LRP6: variants seen among roughly 807,000 people sequenced by gnomAD.
LRP6 encodes the protein LDL receptor related protein 6.
Under a neutral mutation model 184.1 loss-of-function variants are expected in LRP6, and 43 were observed. The observed-to-expected ratio is 0.23, with a 90% CI of 0.18 to 0.30. The LOEUF (loss-of-function observed/expected upper bound fraction) is 0.30. Among genes scored for constraint, LRP6 ranks in the 10% least tolerant of loss-of-function variants. LRP6 has a pLI of 1.00. For synonymous variants in LRP6, 719 were observed against 684.9 expected, an observed-to-expected ratio of 1.05 and a Z score of -0.78; for missense variants, 1,571 against 2,005.3, an observed-to-expected ratio of 0.78 and a Z score of 4.14.
intron 17 of LRP6, among the ~76,000 whole-genome samples, chr12:12,134,306 TTAA>T (rs1381482653): frequency 6.6e-6 from 1 of 151,198 alleles, no homozygotes; most frequent in Non-Finnish European, 1.5e-5. Flanking sequence ...GTTATTTTAC[TTAA>T]TAATTTTCAC....
intron 16 of LRP6, 84 bp downstream of exon 16, chr12:12,138,238 AAAC>A: frequency 7.8e-7 from 1 of 1,280,364 alleles, no homozygotes; most frequent in African/African-American, 1.5e-5. Flanking sequence ...GTCTTCAAGG[AAAC>A]AGAGTTTAAA....
Position 12,158,892 on chromosome 12 carries a change from C to T in LRP6, c.2728G>A (p.Gly910Arg). 6.2e-7 allele frequency: 1 copy of T among 1,614,214 alleles called. No individual in the cohort carries two copies. The highest frequency in any genetic ancestry group is 1.6e-4 in the Middle Eastern group (1 of 6,062). ...GCAGGGCATCCACAAACAAAACCCC[C>T]AACTGGCACAGCCAAGCAGAGGTGG... Reference protein sequence around the residue: ...CSHLCLAVPVGGFVCGCPAHY... With the variant: ...CSHLCLAVPVRGFVCGCPAHY... Residue 910 changes from glycine to arginine, a missense_variant, in exon 12 of 23, where the codon GGG (glycine) becomes AGG (arginine). Physicochemically the swap from Gly to Arg is moderately radical, Grantham distance 125. Around this residue, in one of 4 missense-constraint regions of LRP6, gnomAD observed 158 missense variants for 258.4 expected, o/e 0.61. Transcript: ENST00000261349.
At chr12:12,203,447 T>G (rs755735252) in intron 2 of LRP6, 47 bp from the exon 3 acceptor site, 1 of 1,418,792 alleles carries the variant, frequency 7.0e-7, no homozygotes, top group Non-Finnish European at 1.0e-6. Flanking sequence ...CAGATATCAA[T>G]CAAATACTCT....
intron 2 of LRP6, among the ~76,000 whole-genome samples, chr12:12,236,590 C>T (rs948131519): frequency 2.6e-5 from 4 of 152,164 alleles, no homozygotes; most frequent in African/African-American, 7.2e-5. Flanking sequence ...ATCCCAGTAA[C>T]GGGCTCGGTC....
At chr12:12,201,008 T>G (rs1863900276) in intron 3 of LRP6, among the ~76,000 whole-genome samples, 1 of 152,240 alleles carries the variant, frequency 6.6e-6, no homozygotes, top group Non-Finnish European at 1.5e-5. Flanking sequence ...TTCTCTTGTC[T>G]ACGTAAAATT....
chr12:12,241,195 T>A (rs887842770), intron 2 of LRP6, among the ~76,000 whole-genome samples: 1 of 152,156 alleles, frequency 6.6e-6, no homozygotes, highest in African/African-American at 2.4e-5. Context: ...CTCAATCAGC[T>A]CTTGTGAACC....
intron 12 of LRP6, among the ~76,000 whole-genome samples, chr12:12,152,836 A>G (rs1336151365): frequency 6.6e-6 from 1 of 152,176 alleles, no homozygotes; most frequent in Non-Finnish European, 1.5e-5. Flanking sequence ...AGCTTATTTT[A>G]CATTTACACT....
intron 17 of LRP6, among the ~76,000 whole-genome samples, chr12:12,132,525 CT>C (rs199980662): frequency 1.3e-5 from 2 of 151,876 alleles, no homozygotes; most frequent in African/African-American, 4.8e-5. Flanking sequence ...GATGTCATTG[CT>C]TTTTTTTGGC....
intron 7 of LRP6, among the ~76,000 whole-genome samples, chr12:12,176,843 C>CTTT (rs71435897): frequency 9.7e-6 from 1 of 103,108 alleles, no homozygotes; most frequent in Non-Finnish European, 1.9e-5. Flanking sequence ...TGAGCCCAAA[C>CTTT]TTTTTTTTTT....
At chr12:12,254,960 A>G (rs939702087) in intron 1 of LRP6, among the ~76,000 whole-genome samples, 1 of 152,224 alleles carries the variant, frequency 6.6e-6, no homozygotes, top group East Asian at 1.9e-4. Context: ...TTAAAGTCCA[A>G]TCAGATTCCT....
rs1396562953 is a variant in LRP6 at position 12,120,016 on chromosome 12, TATATATATATATATATATATATATATAA to T, written c.*1082_*1109del. 2.1e-4 allele frequency: 21 copies of T among 101,038 alleles called. 1 individual carries two copies. Among genetic ancestry groups the T allele is most frequent in the African/African-American group, 6.2e-4 (19 of 30,542 alleles). 6.3% of individuals were successfully genotyped at this position (101,038 alleles called of 1,614,324 possible). On this transcript the variant is annotated 3_prime_UTR_variant, in exon 23 of 23. Transcript: ENST00000261349. ...ATATATATATATATATATATATATA[TATATATATATATATATATATATATATAA>T]ATGATTTCGTACTGTGATATATGCT...
intron 11 of LRP6, among the ~76,000 whole-genome samples, chr12:12,159,428 G>A (rs1862687487): frequency 6.6e-6 from 1 of 152,082 alleles, no homozygotes; most frequent in African/African-American, 2.4e-5. Flanking sequence ...TACTTTAAAT[G>A]TGGTTTTATT....
Position 12,266,785 on chromosome 12 carries a change from G to A in LRP6, c.-50C>T, listed in dbSNP as rs78631600. 1 of 1,530,626 alleles carries A rather than the reference G, an allele frequency of 6.5e-7. No homozygotes were observed. The highest frequency in any genetic ancestry group is 9.0e-7 in the Non-Finnish European group (1 of 1,116,332). 94.8% of individuals were successfully genotyped at this position (1,530,626 alleles called of 1,614,324 possible). A position where few individuals can be genotyped will look rare whatever the true frequency, so the allele number is the denominator to read the frequency against. On this transcript the variant is annotated 5_prime_UTR_variant, in exon 1 of 23. Coordinates refer to ENST00000261349, the MANE Select transcript of LRP6 (RefSeq NM_002336.3). ...TCACCGGCGAGGGGTGGCCAGAAGT[G>A]GGGGAGGCGAGGAGCCGGGGCGGCC...
At chr12:12,250,359 C>T (rs1157728693) in intron 1 of LRP6, among the ~76,000 whole-genome samples, 2 of 152,180 alleles carry the variant, frequency 1.3e-5, no homozygotes, top group African/African-American at 4.8e-5. Context: ...CCATACTTCT[C>T]TTTTTCTCCC....
At chr12:12,216,240 A>C (rs1864340495) in intron 2 of LRP6, among the ~76,000 whole-genome samples, 1 of 152,208 alleles carries the variant, frequency 6.6e-6, no homozygotes, top group Admixed American at 6.5e-5. Context: ...TCTATCTATC[A>C]TAAGCCAAAA....
chr12:12,173,787 T>C (rs1409481778), intron 7 of LRP6, among the ~76,000 whole-genome samples: 2 of 152,096 alleles, frequency 1.3e-5, no homozygotes, highest in African/African-American at 4.8e-5. Context: ...TGCCCAATAA[T>C]CAACTAGCAA....
chr12:12,124,761 C>T, intron 21 of LRP6, 99 bp from the exon 22 acceptor site: 4 of 741,160 alleles, frequency 5.4e-6, no homozygotes, highest in Non-Finnish European at 6.9e-6. Context: ...TGTTTCTTTA[C>T]AATACACTAT....
intron 1 of LRP6, among the ~76,000 whole-genome samples, chr12:12,263,388 A>G (rs1019309348): frequency 6.6e-6 from 1 of 151,894 alleles, no homozygotes; most frequent in African/African-American, 2.4e-5. Flanking sequence ...ATCCTGGCTA[A>G]CACAGTGAAA....
At chr12:12,165,698 G>C (rs1862861183) in intron 7 of LRP6, among the ~76,000 whole-genome samples, 1 of 152,020 alleles carries the variant, frequency 6.6e-6, no homozygotes, top group Non-Finnish European at 1.5e-5. Context: ...TATCTTGAGA[G>C]CTTTGCCTAT....
Sources: gnomAD v4.1 joint callset for allele counts (sites outside exome capture counted in the v4.1 genomes callset) on GRCh38, gnomAD v4.1.1 for gene constraint, gnomAD v4.1.1 regional missense constraint, MANE v1.5 for transcripts, NCBI Gene and HGNC (gene_info 2026-07-23, HGNC 2026-07-21) for gene names.